Variants in ARHGEF17 observed in about 807,000 individuals in gnomAD.
ARHGEF17 encodes the protein 164 kDa Rho-specific guanine-nucleotide exchange factor.
In ARHGEF17, 80 loss-of-function variants were observed where a neutral mutation model predicts 174.0. The ratio of observed to expected loss-of-function variants is 0.46; its 90% CI spans 0.38 to 0.55. The LOEUF (loss-of-function observed/expected upper bound fraction) is 0.55, where lower values mean the gene tolerates loss of function less well. ARHGEF17 is among the 20% of genes least tolerant of loss of function. ARHGEF17 has a pLI of 0.00. For missense variants in ARHGEF17, 2,886 were observed against 2,839.7 expected, an observed-to-expected ratio of 1.02 and a Z score of -0.37; for synonymous variants, 1,311 against 1,189.1, an observed-to-expected ratio of 1.10 and a Z score of -2.11.
At chr11:73,313,358 C>G (rs998378250) in intron 1 of ARHGEF17, among the ~76,000 whole-genome samples, 1 of 152,150 alleles carries the variant, frequency 6.6e-6, no homozygotes, top group Non-Finnish European at 1.5e-5. Flanking sequence ...TCAGGGGTCT[C>G]CTCCCCAGCC....
chr11:73,335,616 C>T (rs184062210), intron 1 of ARHGEF17, among the ~76,000 whole-genome samples: 1 of 152,276 alleles, frequency 6.6e-6, no homozygotes, highest in East Asian at 1.9e-4. Context: ...ACAGCCCCTG[C>T]CATGTGGGCC....
At chr11:73,358,615 G>A (rs905651095) in intron 9 of ARHGEF17, among the ~76,000 whole-genome samples, 4 of 146,748 alleles carry the variant, frequency 2.7e-5, no homozygotes, top group East Asian at 1.9e-4. Context: ...GCACCACTAC[G>A]CCCGGTTAAT....
chr11:73,336,225 C>T (rs1002350363), intron 1 of ARHGEF17, among the ~76,000 whole-genome samples: 1 of 152,196 alleles, frequency 6.6e-6, no homozygotes, highest in Non-Finnish European at 1.5e-5. Context: ...GCTTTGCTTC[C>T]TGGAGCCTTT....
rs371820214 is a variant in ARHGEF17 at position 73,314,559 on chromosome 11, G to A, written c.3192+2729G>A. Among the ~76,000 whole-genome samples, 8 of 152,360 alleles carry A rather than the reference G, an allele frequency of 5.3e-5. No individual in the cohort carries two copies. In the South Asian group the frequency reaches 8.3e-4, roughly 16 times the overall value. ...AGAAGGAGGGAGTCAGCCTGCAGGGGGTGTCAAGTGAAATGGGAGGAGCCA... is the reference window on the plus strand; with the variant it reads ...AGAAGGAGGGAGTCAGCCTGCAGGGAGTGTCAAGTGAAATGGGAGGAGCCA... On this transcript the variant is annotated intron_variant, in intron 1 of 20. Coordinates refer to ENST00000263674, the MANE Select transcript of ARHGEF17 (RefSeq NM_014786.4).
intron 1 of ARHGEF17, among the ~76,000 whole-genome samples, chr11:73,321,557 G>C (rs974727485): frequency 1.3e-5 from 2 of 152,216 alleles, no homozygotes; most frequent in Non-Finnish European, 2.9e-5. Context: ...TAAAATGGGG[G>C]CACTAAGGCG....
rs548377617 is a variant in ARHGEF17 at position 73,311,648 on chromosome 11, G to A, written c.3010G>A (p.Glu1004Lys). ...AHPTLQAPSL[E>K]DVTKQYMLNL... is the part of the protein sequence containing the mutation. ...TCCCACGTTGCAGGCACCATCGCTCGAGGACGTCACCAAGCAGTACATGCT... is the reference window on the plus strand; with the variant it reads ...TCCCACGTTGCAGGCACCATCGCTCAAGGACGTCACCAAGCAGTACATGCT... The change falls in exon 1 of 21, where the codon GAG becomes AAG. Residue 1004 changes from glutamate to lysine, a missense_variant. Coordinates refer to ENST00000263674, the MANE Select transcript of ARHGEF17 (RefSeq NM_014786.4). 2.2e-5 allele frequency: 35 copies of A among 1,613,232 alleles called. 1 individual carries two copies. The South Asian group carries it at 2.2e-4, about 10-fold the overall frequency.
chr11:73,313,875 G>T (rs781632906), intron 1 of ARHGEF17, among the ~76,000 whole-genome samples: 1 of 152,222 alleles, frequency 6.6e-6, no homozygotes, highest in Non-Finnish European at 1.5e-5. Flanking sequence ...TGGTGAATGG[G>T]TGGTGTGATC....
chr11:73,347,856 C>G (rs980091070), intron 2 of ARHGEF17, among the ~76,000 whole-genome samples: 1 of 152,150 alleles, frequency 6.6e-6, no homozygotes, highest in African/African-American at 2.4e-5. Context: ...GAAGGGAGTG[C>G]TGGGGACAGA....
chr11:73,321,604 G>A (rs1157075971), intron 1 of ARHGEF17, among the ~76,000 whole-genome samples: 2 of 152,214 alleles, frequency 1.3e-5, no homozygotes, highest in Non-Finnish European at 2.9e-5. Flanking sequence ...CTTGTGGAGC[G>A]CTCAGCCCTG....
At chr11:73,346,741 C>G in intron 1 of ARHGEF17, 142 bp from the exon 2 acceptor site, 1 of 600,552 alleles carries the variant, frequency 1.7e-6, no homozygotes, top group South Asian at 3.0e-5. Context: ...GGGGGAACAG[C>G]CCGGAGCCCT....
chr11:73,310,861 C>T lies in ARHGEF17; in HGVS notation c.2223C>T (p.Arg741=), dbSNP rs1864815169. The change falls in exon 1 of 21, where the codon CGC becomes CGT. Residue 741 remains arginine (R), a synonymous_variant. Transcript: ENST00000263674. ...YRSLSDPIPQ[R]HRAATSEEPT... The stretch of plus-strand genomic sequence containing the variant: ...CCCTGAGTGACCCAATTCCTCAGCG[C>T]CACCGGGCTGCCACCTCTGAAGAGC... 1.2e-6 allele frequency: 2 copies of T among 1,612,166 alleles called. No individual in the cohort carries two copies. The highest frequency in any genetic ancestry group is 1.1e-5 in the South Asian group (1 of 91,038).
At chr11:73,364,792 CAGTA>C in intron 18 of ARHGEF17, 192 bp downstream of exon 18, 1 of 674,786 alleles carries the variant, frequency 1.5e-6, no homozygotes, top group Admixed American at 3.4e-5. Flanking sequence ...ATGAGGAATA[CAGTA>C]AGTGTCCCAT....
chr11:73,347,717 C>T (rs1424763560), intron 2 of ARHGEF17, among the ~76,000 whole-genome samples: 3 of 152,170 alleles, frequency 2.0e-5, no homozygotes, highest in Non-Finnish European at 4.4e-5. Context: ...GGATGATCAG[C>T]GAAGGGCTTT....
chr11:73,367,185 T>C (rs1031044279), intron 20 of ARHGEF17, among the ~76,000 whole-genome samples: 1 of 151,168 alleles, frequency 6.6e-6, no homozygotes, highest in African/African-American at 2.4e-5. Context: ...GGGTCAGGAG[T>C]TGTCTGGGTT....
chr11:73,337,453 CA>C (rs1403499865), intron 1 of ARHGEF17, among the ~76,000 whole-genome samples: 1 of 148,552 alleles, frequency 6.7e-6, no homozygotes, highest in Non-Finnish European at 1.5e-5. Context: ...ATCTTCAAAA[CA>C]TACAGTCTAC....
At chr11:73,359,801 G>C (rs780626725) in intron 9 of ARHGEF17, 33 bp from the exon 10 acceptor site, 2 of 1,525,048 alleles carry the variant, frequency 1.3e-6, no homozygotes, top group South Asian at 1.3e-5. Flanking sequence ...GTCTGTCTCT[G>C]TATCAGTCCA....
At chr11:73,362,384 G>T (rs751599238) in intron 13 of ARHGEF17, 49 bp from the exon 14 acceptor site, 4 of 1,478,412 alleles carry the variant, frequency 2.7e-6, no homozygotes, top group Admixed American at 2.4e-5. Flanking sequence ...CACCACCGGG[G>T]CCCCGTCTGG....
chr11:73,330,157 T>G (rs1389337250), intron 1 of ARHGEF17, among the ~76,000 whole-genome samples: 1 of 152,216 alleles, frequency 6.6e-6, no homozygotes, highest in Non-Finnish European at 1.5e-5. Context: ...TTTTAAATAT[T>G]AGGGAAGTTA....
intron 1 of ARHGEF17, among the ~76,000 whole-genome samples, chr11:73,343,684 T>C (rs747548789): frequency 5.9e-5 from 9 of 152,038 alleles, no homozygotes; most frequent in Non-Finnish European, 1.3e-4. Context: ...TGCTGGCCCT[T>C]GGAGGAGTCA....
Sources: allele counts gnomAD v4.1 joint callset (sites outside exome capture counted in the v4.1 genomes callset), GRCh38; gene constraint gnomAD v4.1.1; transcripts MANE v1.5; gene names NCBI Gene and HGNC (gene_info 2026-07-23, HGNC 2026-07-21).